The following CSMD1 variants were observed in gnomAD, a reference collection of about 807,000 sequenced individuals.
CSMD1 encodes CUB and sushi domain-containing protein 1.
Under a neutral mutation model 417.5 loss-of-function variants are expected in CSMD1, and 213 were observed. The observed-to-expected ratio is 0.51, with a 90% CI of 0.46 to 0.57. CSMD1 has a LOEUF of 0.57. Among genes scored for constraint, CSMD1 ranks in the 20% least tolerant of loss-of-function variants. CSMD1 has a pLI of 0.00. For missense variants in CSMD1, 6,923 were observed against 4,529.7 expected (o/e 1.53, Z -15.17); for synonymous variants, 2,862 against 1,736.8 (o/e 1.65, Z -16.11).
chr8:4,431,186 C>T (rs772762235), intron 2 of CSMD1, among the ~76,000 whole-genome samples: 1 of 151,738 alleles, frequency 6.6e-6, no homozygotes, highest in Admixed American at 6.6e-5. Context: ...GGTAGTGACC[C>T]CTAGAGTTTA....
intron 1 of CSMD1, among the ~76,000 whole-genome samples, chr8:4,676,778 T>C (rs779553345): frequency 6.6e-6 from 1 of 152,006 alleles, no homozygotes; most frequent in Non-Finnish European, 1.5e-5. Context: ...AAGCTTTTCT[T>C]TGTTCTCTTC....
intron 5 of CSMD1, among the ~76,000 whole-genome samples, chr8:3,909,994 C>T (rs541962675): frequency 1.5e-3 from 229 of 151,896 alleles, no homozygotes; most frequent in African/African-American, 5.2e-3. Context: ...TAGAATGTTC[C>T]TCCATTTATT....
At chr8:4,894,946 A>G (rs1804379400) in intron 1 of CSMD1, among the ~76,000 whole-genome samples, 1 of 152,194 alleles carries the variant, frequency 6.6e-6, no homozygotes, top group Admixed American at 6.5e-5. Context: ...GCCAGGAATC[A>G]AATGGCTGAG....
chr8:4,635,262 T>G (rs1056919711), intron 2 of CSMD1, among the ~76,000 whole-genome samples: 3 of 152,282 alleles, frequency 2.0e-5, no homozygotes, highest in Admixed American at 2.0e-4. Flanking sequence ...GGCACAGGTA[T>G]CAATTTATTT....
intron 1 of CSMD1, among the ~76,000 whole-genome samples, chr8:4,718,070 C>T (rs556984991): frequency 6.6e-6 from 1 of 152,186 alleles, no homozygotes; most frequent in African/African-American, 2.4e-5. Flanking sequence ...CTCTACCTCC[C>T]TGGATCAGGA....
intron 8 of CSMD1, among the ~76,000 whole-genome samples, chr8:3,599,149 G>GTGTGTGTC (rs35919818): frequency 0.032 from 4,677 of 146,336 alleles, 126 homozygotes; most frequent in Non-Finnish European, 0.042. Flanking sequence ...GTGTGTGTGT[G>GTGTGTGTC]TCTGTGTGTG....
chr8:3,060,808 T>A (rs1812544593), intron 49 of CSMD1, among the ~76,000 whole-genome samples: 1 of 152,132 alleles, frequency 6.6e-6, no homozygotes, highest in African/African-American at 2.4e-5. Flanking sequence ...GTGAATGGGA[T>A]TAGGTGTCCC....
At chr8:4,561,441 G>T (rs749199968) in intron 2 of CSMD1, among the ~76,000 whole-genome samples, 37 of 152,168 alleles carry the variant, frequency 2.4e-4, no homozygotes, top group Non-Finnish European at 4.4e-4. Context: ...TCAGCACTTT[G>T]GTAGGCTGAT....
intron 1 of CSMD1, among the ~76,000 whole-genome samples, chr8:4,735,777 T>C (rs1810195596): frequency 6.6e-6 from 1 of 152,130 alleles, no homozygotes; most frequent in East Asian, 1.9e-4. Context: ...GCCGAGGATT[T>C]GAATTTTAGA....
chr8:4,582,788 G>T (rs1476869677), intron 2 of CSMD1, among the ~76,000 whole-genome samples: 3 of 152,238 alleles, frequency 2.0e-5, no homozygotes, highest in African/African-American at 7.2e-5. Flanking sequence ...AGTTGGCCAA[G>T]GCCGGAGCCC....
chr8:3,432,179 C>A (rs1210398224), intron 12 of CSMD1, among the ~76,000 whole-genome samples: 1 of 152,012 alleles, frequency 6.6e-6, no homozygotes, highest in East Asian at 1.9e-4. Context: ...TTAATCTGGG[C>A]ATTATAATCA....
chr8:4,021,901 C>A (rs1796806558), intron 4 of CSMD1, among the ~76,000 whole-genome samples: 1 of 151,890 alleles, frequency 6.6e-6, no homozygotes, highest in African/African-American at 2.4e-5. Context: ...AAACAAACTA[C>A]CCCAGATCAT....
chr8:4,202,057 G>C (rs1044589252), intron 3 of CSMD1, among the ~76,000 whole-genome samples: 7 of 151,924 alleles, frequency 4.6e-5, no homozygotes, highest in African/African-American at 7.3e-5. Context: ...CTGTGGGTTG[G>C]CTCTTAATGC....
In CSMD1 at chr8:3,213,092, G is replaced by T. The variant is rs1000780014; in HGVS notation, c.4867+1405C>A. 3.9e-5 allele frequency among the ~76,000 whole-genome samples: 6 copies of T among 152,042 alleles called. 1 individual carries two copies. Among genetic ancestry groups the T allele is most frequent in the Admixed American group, 3.3e-4 (5 of 15,260 alleles). ...TCCACCCACGTCAGCCTCCCAAATTGCTGGGATTACAGGTGTGAGCCACGC... is the reference window on the plus strand; with the variant it reads ...TCCACCCACGTCAGCCTCCCAAATTTCTGGGATTACAGGTGTGAGCCACGC... On this transcript the variant is annotated intron_variant, in intron 30 of 69. Transcript: ENST00000635120.
At chr8:4,318,179 T>G (rs1425926929) in intron 3 of CSMD1, among the ~76,000 whole-genome samples, 3 of 152,142 alleles carry the variant, frequency 2.0e-5, no homozygotes, top group African/African-American at 7.2e-5. Flanking sequence ...GTTACTATCC[T>G]TCTATGGGTT....
At position 4,924,985 on chromosome 8, in the gene CSMD1, T is replaced by A. The variant is rs74315800; in HGVS notation, c.85+69347A>T. 2.5e-3 allele frequency among the ~76,000 whole-genome samples: 388 copies of A among 152,172 alleles called. 1 individual carries two copies. Among genetic ancestry groups the A allele is most frequent in the African/African-American group, 8.7e-3 (363 of 41,538 alleles). On this transcript the variant is annotated intron_variant, in intron 1 of 69. Transcript: ENST00000635120. Reference sequence around the variant, plus strand: ...CTTTGCATCCACCATGGTGTCTACATTGCATAAATACCTCCAATAAATATT... The same window carrying A: ...CTTTGCATCCACCATGGTGTCTACAATGCATAAATACCTCCAATAAATATT...
intron 2 of CSMD1, among the ~76,000 whole-genome samples, chr8:4,494,106 G>C (rs1022201412): frequency 6.6e-5 from 10 of 152,114 alleles, no homozygotes; most frequent in Non-Finnish European, 1.5e-4. Flanking sequence ...GGGAGGTGTA[G>C]AAAAATGAAG....
At chr8:4,156,654 C>A (rs1796851130) in intron 3 of CSMD1, among the ~76,000 whole-genome samples, 1 of 152,050 alleles carries the variant, frequency 6.6e-6, no homozygotes, top group South Asian at 2.1e-4. Flanking sequence ...ACCAGGTACC[C>A]ATCTGCTTGT....
At chr8:4,276,729 G>A (rs566941527) in intron 3 of CSMD1, among the ~76,000 whole-genome samples, 1 of 152,238 alleles carries the variant, frequency 6.6e-6, no homozygotes, top group African/African-American at 2.4e-5. Context: ...ATAAATAAAA[G>A]GAAATGTATA....
Sources: allele counts gnomAD v4.1 joint callset (sites outside exome capture counted in the v4.1 genomes callset), GRCh38; gene constraint gnomAD v4.1.1; transcripts MANE v1.5; gene names NCBI Gene and HGNC (gene_info 2026-07-23, HGNC 2026-07-21).